Variants in CPNE4 observed in about 807,000 individuals in gnomAD.
CPNE4 encodes copine 4.
Under a neutral mutation model 67.9 loss-of-function variants are expected in CPNE4, and 25 were observed. The observed-to-expected ratio is 0.37, with a 90% confidence interval of 0.27 to 0.51. CPNE4 has a LOEUF of 0.51. Ranked by LOEUF, CPNE4 falls within the 20% of genes least tolerant of loss-of-function variation. The pLI is 0.93. For missense variants in CPNE4, 464 were observed against 690.8 expected (o/e 0.67, Z 3.68); for synonymous variants, 242 against 244.9 (o/e 0.99, Z 0.11).
chr3:131,698,853 T>C (rs979568833), intron 4 of CPNE4, among the ~76,000 whole-genome samples: 5 of 142,360 alleles, frequency 3.5e-5, no homozygotes, highest in Non-Finnish European at 7.5e-5. Context: ...GAGGTTGTAG[T>C]GTGCCGATAT....
intron 7 of CPNE4, among the ~76,000 whole-genome samples, chr3:131,609,488 A>T (rs1450228261): frequency 6.6e-6 from 1 of 152,200 alleles, no homozygotes; most frequent in East Asian, 1.9e-4. Flanking sequence ...TTTAGGCTTT[A>T]GAAGAAGGTG....
chr3:131,782,087 T>A (rs1007439880), intron 2 of CPNE4, among the ~76,000 whole-genome samples: 1 of 152,104 alleles, frequency 6.6e-6, no homozygotes, highest in Non-Finnish European at 1.5e-5. Context: ...ATACCACTAC[T>A]TTTATATTTC....
At chr3:131,538,318 G>A (rs1003802124) in intron 15 of CPNE4, among the ~76,000 whole-genome samples, 4 of 152,184 alleles carry the variant, frequency 2.6e-5, no homozygotes, top group African/African-American at 9.6e-5. Context: ...GAATTTAAAC[G>A]TAAGTAGCTA....
At chr3:131,841,206 G>A (rs1180299118) in intron 2 of CPNE4, among the ~76,000 whole-genome samples, 1 of 152,120 alleles carries the variant, frequency 6.6e-6, no homozygotes, top group Non-Finnish European at 1.5e-5. Flanking sequence ...ATAAGGAAGT[G>A]GTTATTCCCT....
At chr3:131,926,618 G>A (rs1479785430) in intron 1 of CPNE4, among the ~76,000 whole-genome samples, 2 of 152,138 alleles carry the variant, frequency 1.3e-5, no homozygotes, top group African/African-American at 4.8e-5. Context: ...CTTTCCAACA[G>A]AGGAGCACAC....
At chr3:132,000,242 A>T (rs1583579803) in intron 1 of CPNE4, among the ~76,000 whole-genome samples, 1 of 152,028 alleles carries the variant, frequency 6.6e-6, no homozygotes, top group East Asian at 1.9e-4. Context: ...GGGCCCAGAA[A>T]GATAGACAAA....
chr3:131,664,502 A>T (rs2080209848), intron 7 of CPNE4, among the ~76,000 whole-genome samples: 1 of 152,172 alleles, frequency 6.6e-6, no homozygotes, highest in Non-Finnish European at 1.5e-5. Flanking sequence ...AGTGTCTCAG[A>T]CCTTATGAAA....
intron 2 of CPNE4, among the ~76,000 whole-genome samples, chr3:131,749,918 T>G (rs1371053143): frequency 1.3e-5 from 2 of 152,200 alleles, no homozygotes; most frequent in Non-Finnish European, 2.9e-5. Context: ...TTCACAGTTT[T>G]GGAGGCTAAA....
upstream of CPNE4, chr3:132,039,517 A>T (rs1440810154): frequency 3.3e-5 from 5 of 152,250 alleles, no homozygotes; most frequent in Admixed American, 2.6e-4. Flanking sequence ...ATACCATCAG[A>T]AACTTACCTG....
chr3:131,691,659 T>A (rs944953984), intron 5 of CPNE4, among the ~76,000 whole-genome samples: 1 of 152,100 alleles, frequency 6.6e-6, no homozygotes, highest in African/African-American at 2.4e-5. Flanking sequence ...AATATACTCA[T>A]GTAACAAACC....
chr3:131,918,693 T>C (rs1431844158), intron 1 of CPNE4, among the ~76,000 whole-genome samples: 2 of 152,116 alleles, frequency 1.3e-5, no homozygotes, highest in African/African-American at 4.8e-5. Context: ...AAAGGAACAA[T>C]GGTAGACTTT....
chr3:131,696,025 C>T (rs2081148453), intron 5 of CPNE4, among the ~76,000 whole-genome samples: 1 of 151,948 alleles, frequency 6.6e-6, no homozygotes. Flanking sequence ...ATAACAAGCA[C>T]CCAACAAAGG....
intron 10 of CPNE4, among the ~76,000 whole-genome samples, chr3:131,572,842 C>T (rs1456446503): frequency 6.6e-6 from 1 of 152,050 alleles, no homozygotes; most frequent in African/African-American, 2.4e-5. Context: ...ACCTCCATGC[C>T]AGGAAACCTT....
chr3:131,923,743 G>GA lies in CPNE4; in HGVS notation c.-1-18300dup, dbSNP rs377297088. Among the ~76,000 whole-genome samples, 696 of 119,650 alleles carry GA rather than the reference G, an allele frequency of 5.8e-3. 12 individuals carry two copies. The East Asian group carries it at 0.09, about 15-fold the overall frequency. 78.5% of individuals were successfully genotyped at this position (119,650 alleles called of 152,430 possible). On this transcript the variant is annotated intron_variant, in intron 1 of 15. Transcript: ENST00000429747. The stretch of plus-strand genomic sequence containing the variant: ...AAAAAAAAAAAATTAAAAAAAAATA[G>GA]AAAAAAAAATCCAACAGAACCAAAG...
At chr3:131,655,228 C>A (rs1376669016) in intron 7 of CPNE4, among the ~76,000 whole-genome samples, 4 of 152,218 alleles carry the variant, frequency 2.6e-5, no homozygotes, top group African/African-American at 9.6e-5. Flanking sequence ...AAATGCAAGT[C>A]TTGGGCCCCA....
chr3:131,929,166 A>G (rs1046776713), intron 1 of CPNE4, among the ~76,000 whole-genome samples: 4 of 144,190 alleles, frequency 2.8e-5, no homozygotes, highest in African/African-American at 1.0e-4. Context: ...TCCTTTCTTC[A>G]TCAATCATCA....
At chr3:131,812,877 G>A (rs1196265889) in intron 2 of CPNE4, among the ~76,000 whole-genome samples, 1 of 152,172 alleles carries the variant, frequency 6.6e-6, no homozygotes, top group Middle Eastern at 3.2e-3. Context: ...AGGATACATG[G>A]AAGTTCACCA....
At chr3:132,013,251 T>A (rs562854517) in intron 1 of CPNE4, among the ~76,000 whole-genome samples, 1 of 152,114 alleles carries the variant, frequency 6.6e-6, no homozygotes, top group East Asian at 1.9e-4. Context: ...AAAGAATTCA[T>A]GTATCTTGTA....
At chr3:132,014,234 C>G (rs545049641) in intron 1 of CPNE4, among the ~76,000 whole-genome samples, 1 of 152,318 alleles carries the variant, frequency 6.6e-6, no homozygotes, top group Admixed American at 6.5e-5. Context: ...AATATACCTA[C>G]AGCCAGGAAT....
Sources: gnomAD v4.1 joint callset for allele counts (sites outside exome capture counted in the v4.1 genomes callset) on GRCh38, gnomAD v4.1.1 for gene constraint, MANE v1.5 for transcripts, NCBI Gene and HGNC (gene_info 2026-07-23, HGNC 2026-07-21) for gene names.